Variants in SNTG2 observed in about 807,000 individuals in gnomAD.
SNTG2 encodes the protein syntrophin gamma 2.
In SNTG2, 74 loss-of-function variants were observed where a neutral mutation model predicts 70.9. That is an observed-to-expected ratio of 1.04 (90% CI 0.86 to 1.27). SNTG2 has a LOEUF of 1.27. Among genes scored for constraint, SNTG2 ranks in the 50% most tolerant of loss-of-function variants. The pLI is 0.00. For synonymous variants in SNTG2, 278 were observed against 273.8 expected (o/e 1.02, Z -0.15); for missense variants, 717 against 690.7 (o/e 1.04, Z -0.43).
At chr2:954,107 G>C (rs570534482) in intron 1 of SNTG2, among the ~76,000 whole-genome samples, 1 of 152,172 alleles carries the variant, frequency 6.6e-6, no homozygotes, top group South Asian at 2.1e-4. Flanking sequence ...GCAGGCACAC[G>C]AGGGACCCCA....
At position 987,846 on chromosome 2, in the gene SNTG2, G is replaced by C. The variant is rs574276727; in HGVS notation, c.72+36778G>C. Among the ~76,000 whole-genome samples the C allele has an allele frequency of 7.2e-5, 11 of 152,254 alleles. No individual in the cohort carries two copies. The South Asian group carries it at 2.3e-3, about 32-fold the overall frequency. On this transcript the variant is annotated intron_variant, in intron 1 of 16. Coordinates refer to ENST00000308624, the MANE Select transcript of SNTG2 (RefSeq NM_018968.4). ...AGAAGACTGAGGAGAAGGTTCTGGA[G>C]ATGTGGAAGGAAGGCCGCGCAGCCT... is the stretch of plus-strand genomic sequence containing the variant.
chr2:950,988 G>A lies in SNTG2; in HGVS notation c.-9G>A. 1 of 1,236,866 alleles carries A rather than the reference G, an allele frequency of 8.1e-7. No individual in the cohort carries two copies. Among genetic ancestry groups the A allele is most frequent in the Non-Finnish European group, 1.0e-6 (1 of 991,320 alleles). The allele number at this position is 1,236,866 out of a possible 1,614,324, so 76.6% of individuals were successfully genotyped here. A position where few individuals can be genotyped will look rare whatever the true frequency, so the allele number is the denominator to read the frequency against. The stretch of plus-strand genomic sequence containing the variant: ...GGCCCGGAGCGCGGACCCAGCCGCA[G>A]GGGCGGCGATGGGCACCGAGGGACC... On this transcript the variant is annotated 5_prime_UTR_variant, in exon 1 of 17. Transcript: ENST00000308624.
chr2:1,350,661 G>A (rs1208928907), intron 16 of SNTG2, among the ~76,000 whole-genome samples: 1 of 152,142 alleles, frequency 6.6e-6, no homozygotes, highest in Non-Finnish European at 1.5e-5. Flanking sequence ...GAATGTTGAC[G>A]ATGGAAAGGG....
chr2:1,204,866 C>T (rs1228274537), intron 8 of SNTG2, among the ~76,000 whole-genome samples: 6 of 152,088 alleles, frequency 3.9e-5, no homozygotes, highest in African/African-American at 1.4e-4. Flanking sequence ...TCAAGAAATG[C>T]TTATTATTAA....
chr2:964,312 T>C (rs1390308766), intron 1 of SNTG2, among the ~76,000 whole-genome samples: 1 of 152,194 alleles, frequency 6.6e-6, no homozygotes, highest in Non-Finnish European at 1.5e-5. Flanking sequence ...TCTAAGGACA[T>C]GAGGGAGCCC....
At chr2:1,154,953 A>ATAC (rs1669762656) in intron 6 of SNTG2, among the ~76,000 whole-genome samples, 1 of 50,622 alleles carries the variant, frequency 2.0e-5, no homozygotes, top group Non-Finnish European at 5.4e-5. Flanking sequence ...ACATAAACTC[A>ATAC]CACCACACAC....
chr2:983,273 A>G (rs917235630), intron 1 of SNTG2, among the ~76,000 whole-genome samples: 2 of 113,398 alleles, frequency 1.8e-5, no homozygotes, highest in Admixed American at 8.5e-5. Context: ...GTTGGGATGA[A>G]GCAGAGGCTC....
At chr2:1,352,921 C>G (rs1004514263) in intron 16 of SNTG2, among the ~76,000 whole-genome samples, 1 of 152,082 alleles carries the variant, frequency 6.6e-6, no homozygotes, top group Admixed American at 6.5e-5. Flanking sequence ...TGATGTTGTA[C>G]CGGAAACCTT....
intron 6 of SNTG2, among the ~76,000 whole-genome samples, chr2:1,145,820 A>G (rs1247799455): frequency 6.6e-6 from 1 of 152,224 alleles, no homozygotes; most frequent in Admixed American, 6.5e-5. Context: ...ATATTAGCAA[A>G]TGGAATTCAG....
chr2:1,117,253 G>T (rs74771875), intron 4 of SNTG2, among the ~76,000 whole-genome samples: 1,907 of 152,208 alleles, frequency 0.013, 33 homozygotes, highest in African/African-American at 0.04. Flanking sequence ...GCACTTTAAG[G>T]TTTCAGAGAG....
intron 1 of SNTG2, among the ~76,000 whole-genome samples, chr2:967,590 C>T (rs907927064): frequency 2.0e-5 from 3 of 152,110 alleles, no homozygotes; most frequent in Non-Finnish European, 4.4e-5. Context: ...TTATGTATTA[C>T]TAGATTCAAT....
chr2:1,231,841 CCTA>C (rs1228374913), intron 9 of SNTG2, among the ~76,000 whole-genome samples: 1 of 152,134 alleles, frequency 6.6e-6, no homozygotes, highest in Non-Finnish European at 1.5e-5. Context: ...CTCACGTGTG[CCTA>C]CTGAGTGCCA....
At chr2:1,315,782 G>A (rs1681247864) in intron 15 of SNTG2, among the ~76,000 whole-genome samples, 1 of 152,148 alleles carries the variant, frequency 6.6e-6, no homozygotes, top group Non-Finnish European at 1.5e-5. Flanking sequence ...AGCCATAGAT[G>A]GGGTGGTGTC....
chr2:1,245,109 T>C lies in SNTG2; in HGVS notation c.889-2218T>C, dbSNP rs1350088162. On this transcript the variant is annotated intron_variant, in intron 11 of 16. Coordinates refer to ENST00000308624, the MANE Select transcript of SNTG2 (RefSeq NM_018968.4). ...ACACAGGAAGGGGAACATCACACTC[T>C]GGGGACTGTTGTCGGGTGGGGGGAG... 4.7e-5 allele frequency among the ~76,000 whole-genome samples: 5 copies of C among 106,180 alleles called. No homozygotes were observed. The Admixed American group carries it at 6.7e-4, about 14-fold the overall frequency. The allele number at this position is 106,180 out of a possible 152,430, so 69.7% of individuals were successfully genotyped here.
intron 6 of SNTG2, among the ~76,000 whole-genome samples, chr2:1,145,764 A>G (rs1407146466): frequency 6.6e-6 from 1 of 152,214 alleles, no homozygotes; most frequent in Admixed American, 6.5e-5. Flanking sequence ...AGAAAATTAT[A>G]GACCAATATG....
At chr2:1,157,346 G>A (rs1013787366) in intron 6 of SNTG2, among the ~76,000 whole-genome samples, 7 of 152,140 alleles carry the variant, frequency 4.6e-5, no homozygotes, top group South Asian at 2.1e-4. Flanking sequence ...CGGCTTGTGC[G>A]CTGAATGCAC....
At chr2:1,236,733 ATC>A (rs1388085740) in intron 9 of SNTG2, among the ~76,000 whole-genome samples, 4 of 152,268 alleles carry the variant, frequency 2.6e-5, no homozygotes, top group East Asian at 1.9e-4. Context: ...GTGTTATACC[ATC>A]TCTGTTTCCT....
At chr2:1,336,290 T>C (rs533665611) in intron 16 of SNTG2, among the ~76,000 whole-genome samples, 2 of 152,316 alleles carry the variant, frequency 1.3e-5, no homozygotes, top group East Asian at 3.9e-4. Context: ...GTCCAAGTTT[T>C]CCGCCCATTT....
At chr2:1,115,927 C>T (rs1666936591) in intron 4 of SNTG2, among the ~76,000 whole-genome samples, 1 of 152,226 alleles carries the variant, frequency 6.6e-6, no homozygotes, top group African/African-American at 2.4e-5. Flanking sequence ...TTTTGAGTGG[C>T]CCCGAGATGG....
Sources: gnomAD v4.1 joint callset for allele counts (sites outside exome capture counted in the v4.1 genomes callset) on GRCh38, gnomAD v4.1.1 for gene constraint, MANE v1.5 for transcripts, NCBI Gene and HGNC (gene_info 2026-07-23, HGNC 2026-07-21) for gene names.